ZMAT4: variants seen among roughly 807,000 people sequenced by gnomAD.
ZMAT4 encodes the protein zinc finger matrin-type 4, also known as zinc finger matrin-type protein 4.
In ZMAT4, 17 loss-of-function variants were observed where a neutral mutation model predicts 28.7. That is an observed-to-expected ratio of 0.59 (90% CI 0.41 to 0.89). ZMAT4 has a LOEUF of 0.89. ZMAT4 is among the 40% of genes least tolerant of loss of function. The pLI, the probability that ZMAT4 is intolerant of heterozygous loss-of-function variation, is 0.00. For synonymous variants in ZMAT4, 117 were observed against 109.2 expected (o/e 1.07, Z -0.44); for missense variants, 240 against 283.8 (o/e 0.85, Z 1.11).
chr8:40,746,988 C>A (rs6995810), intron 3 of ZMAT4, among the ~76,000 whole-genome samples: 18,811 of 152,068 alleles, frequency 0.12, 1,639 homozygotes, highest in East Asian at 0.38. Context: ...TCTCTCCCCA[C>A]GTGCTCTCCC....
At chr8:40,546,034 G>A (rs902357694) in intron 6 of ZMAT4, among the ~76,000 whole-genome samples, 10 of 151,558 alleles carry the variant, frequency 6.6e-5, no homozygotes, top group South Asian at 2.1e-4. Context: ...AGGAAGTTAC[G>A]GAGCCAGTGT....
intron 2 of ZMAT4, among the ~76,000 whole-genome samples, chr8:40,799,388 T>C (rs1814741625): frequency 6.6e-6 from 1 of 152,216 alleles, no homozygotes; most frequent in Non-Finnish European, 1.5e-5. Flanking sequence ...TCTTTCCCTT[T>C]CCGTTCTGAT....
intron 5 of ZMAT4, among the ~76,000 whole-genome samples, chr8:40,583,122 T>G (rs1276313265): frequency 6.6e-6 from 1 of 152,154 alleles, no homozygotes; most frequent in East Asian, 1.9e-4. Context: ...TCCCTCACCT[T>G]AAGCCTGTGG....
intron 5 of ZMAT4, among the ~76,000 whole-genome samples, chr8:40,638,212 T>G (rs1484716056): frequency 2.0e-5 from 3 of 152,200 alleles, no homozygotes; most frequent in Non-Finnish European, 4.4e-5. Context: ...GAGTAGATTT[T>G]GAATGTTCCC....
intron 6 of ZMAT4, among the ~76,000 whole-genome samples, chr8:40,541,339 G>A (rs753580620): frequency 3.9e-5 from 6 of 152,064 alleles, no homozygotes; most frequent in Non-Finnish European, 7.4e-5. Context: ...ATCATGGGAC[G>A]TGGTGGGATG....
At position 40,887,170 on chromosome 8, in the gene ZMAT4, C is replaced by CAA. The variant is rs35466634; in HGVS notation, c.-5+10511_-5+10512dup. Among the ~76,000 whole-genome samples the CAA allele has an allele frequency of 4.2e-3, 262 of 61,832 alleles. 1 individual carries two copies. The highest frequency in any genetic ancestry group is 6.1e-3 in the Non-Finnish European group (203 of 33,536). 40.6% of individuals were successfully genotyped at this position (61,832 alleles called of 152,430 possible). ...TGGGTGACAGAGCAAGACTCCGTCT[C>CAA]AAAAAAAAAAAAAAAAAAAGCCGGT... On this transcript the variant is annotated intron_variant, in intron 1 of 6. Transcript: ENST00000297737.
intron 6 of ZMAT4, among the ~76,000 whole-genome samples, chr8:40,562,905 CCTTT>C (rs1434230094): frequency 2.0e-5 from 3 of 152,154 alleles, no homozygotes; most frequent in Non-Finnish European, 4.4e-5. Context: ...GACTTCTCTT[CCTTT>C]GTCACGACGT....
At chr8:40,711,354 C>T (rs1295729933) in intron 3 of ZMAT4, among the ~76,000 whole-genome samples, 1 of 152,102 alleles carries the variant, frequency 6.6e-6, no homozygotes, top group African/African-American at 2.4e-5. Flanking sequence ...TGGATCTAGG[C>T]ATTGGGCATC....
intron 4 of ZMAT4, among the ~76,000 whole-genome samples, chr8:40,696,476 A>T (rs560704555): frequency 6.6e-6 from 1 of 152,306 alleles, no homozygotes; most frequent in Non-Finnish European, 1.5e-5. Flanking sequence ...CTGGATTCTA[A>T]CCTGTTTGGT....
intron 6 of ZMAT4, among the ~76,000 whole-genome samples, chr8:40,575,331 C>T (rs1804227417): frequency 6.6e-6 from 1 of 152,058 alleles, no homozygotes; most frequent in Admixed American, 6.5e-5. Context: ...AAGATACAGC[C>T]CTGAGAAGCC....
chr8:40,762,304 C>A (rs1247268409), intron 3 of ZMAT4, among the ~76,000 whole-genome samples: 1 of 152,090 alleles, frequency 6.6e-6, no homozygotes, highest in Non-Finnish European at 1.5e-5. Context: ...TTATATTGGG[C>A]CATAAATCCA....
intron 1 of ZMAT4, among the ~76,000 whole-genome samples, chr8:40,861,629 G>T (rs1054660149): frequency 3.3e-5 from 5 of 152,178 alleles, no homozygotes; most frequent in Non-Finnish European, 7.3e-5. Context: ...AGAGTGAACA[G>T]GCAGCCTACA....
intron 3 of ZMAT4, among the ~76,000 whole-genome samples, chr8:40,767,073 C>A (rs1813190160): frequency 6.6e-6 from 1 of 152,166 alleles, no homozygotes; most frequent in Non-Finnish European, 1.5e-5. Flanking sequence ...CTTGGCCTGG[C>A]TGAAATAAGC....
At chr8:40,894,798 A>C (rs962624394) in intron 1 of ZMAT4, among the ~76,000 whole-genome samples, 20 of 152,160 alleles carry the variant, frequency 1.3e-4, no homozygotes, top group Non-Finnish European at 5.9e-5. Context: ...AAGACATTGT[A>C]AAAGCGTTTA....
At chr8:40,862,004 C>T (rs1438876508) in intron 1 of ZMAT4, among the ~76,000 whole-genome samples, 2 of 152,178 alleles carry the variant, frequency 1.3e-5, no homozygotes, top group Non-Finnish European at 2.9e-5. Flanking sequence ...TTGTGGAAGA[C>T]AGTCTGGCAA....
intron 1 of ZMAT4, chr8:40,884,417 G>A (rs2150666456): frequency 7.2e-6 from 1 of 139,666 alleles, no homozygotes; most frequent in South Asian, 2.3e-4. Context: ...CCCTAGAGTT[G>A]ACATTTCATT....
At position 40,531,190 on chromosome 8, in the gene ZMAT4, C is replaced by A. The variant is rs956275549; in HGVS notation, c.*1033G>T. The A allele has an allele frequency of 2.6e-5, 4 of 152,146 alleles. No individual in the cohort carries two copies. The highest frequency in any genetic ancestry group is 5.9e-5 in the Non-Finnish European group (4 of 68,044). 9.4% of individuals were successfully genotyped at this position (152,146 alleles called of 1,614,324 possible). A position where few individuals can be genotyped will look rare whatever the true frequency, so the allele number is the denominator to read the frequency against. On this transcript the variant is annotated 3_prime_UTR_variant, in exon 7 of 7. Coordinates refer to ENST00000297737, the MANE Select transcript of ZMAT4 (RefSeq NM_024645.3). ...CTCATGATCTGCACTCAGACGCTCC[C>A]CATCAGAAAGGAACTGTTTTCTTTA...
chr8:40,835,996 G>T (rs1359765850), intron 1 of ZMAT4, among the ~76,000 whole-genome samples: 2 of 152,166 alleles, frequency 1.3e-5, no homozygotes, highest in Non-Finnish European at 2.9e-5. Context: ...TTTAAATGTT[G>T]CAAAGGCAGA....
At chr8:40,846,279 C>T (rs1816895813) in intron 1 of ZMAT4, among the ~76,000 whole-genome samples, 1 of 152,212 alleles carries the variant, frequency 6.6e-6, no homozygotes, top group Admixed American at 6.5e-5. Flanking sequence ...TCCACCATGG[C>T]CCCTATCATC....
Sources: allele counts gnomAD v4.1 joint callset (sites outside exome capture counted in the v4.1 genomes callset), GRCh38; gene constraint gnomAD v4.1.1; transcripts MANE v1.5; gene names NCBI Gene and HGNC (gene_info 2026-07-23, HGNC 2026-07-21).